NXPH1: variants seen among roughly 807,000 people sequenced by gnomAD.
NXPH1 encodes neurexophilin-1.
A neutral mutation model predicts 23.7 loss-of-function variants in NXPH1; 5 were observed. The observed-to-expected ratio is 0.21, with a 90% confidence interval of 0.11 to 0.44. The LOEUF is 0.44. NXPH1 is among the 20% of genes least tolerant of loss of function. The pLI is 0.99. For synonymous variants in NXPH1, 144 were observed against 122.2 expected (o/e 1.18, Z -1.18); for missense variants, 324 against 321.6 (o/e 1.01, Z -0.06).
At chr7:8,465,188 C>T (rs1336177869) in intron 2 of NXPH1, among the ~76,000 whole-genome samples, 1 of 152,170 alleles carries the variant, frequency 6.6e-6, no homozygotes, top group Non-Finnish European at 1.5e-5. Flanking sequence ...AAGGAGGTCT[C>T]AGTTTGATGG....
chr7:8,593,251 C>A (rs1013614088), intron 2 of NXPH1, among the ~76,000 whole-genome samples: 4 of 150,174 alleles, frequency 2.7e-5, no homozygotes, highest in Non-Finnish European at 4.4e-5. Flanking sequence ...AACGGGTTAT[C>A]TGCCCTTCAA....
intron 2 of NXPH1, among the ~76,000 whole-genome samples, chr7:8,492,193 T>C (rs1210718416): frequency 6.6e-6 from 1 of 152,094 alleles, no homozygotes; most frequent in Non-Finnish European, 1.5e-5. Flanking sequence ...ATTAGAATTT[T>C]AGATTTTTTC....
At chr7:8,532,660 A>G (rs917708811) in intron 2 of NXPH1, among the ~76,000 whole-genome samples, 1 of 152,080 alleles carries the variant, frequency 6.6e-6, no homozygotes, top group African/African-American at 2.4e-5. Flanking sequence ...TTAAATGTGC[A>G]GACTCTTGGG....
At chr7:8,694,298 C>A (rs949678194) in intron 2 of NXPH1, among the ~76,000 whole-genome samples, 1 of 152,136 alleles carries the variant, frequency 6.6e-6, no homozygotes, top group South Asian at 2.1e-4. Flanking sequence ...TTGAGTTGTC[C>A]CTTGACACCC....
intron 2 of NXPH1, among the ~76,000 whole-genome samples, chr7:8,581,627 T>C (rs1014796177): frequency 6.6e-6 from 1 of 152,100 alleles, no homozygotes; most frequent in African/African-American, 2.4e-5. Flanking sequence ...CCAAACCATA[T>C]CCTAATGATT....
At chr7:8,734,824 A>G (rs1022390779) in intron 2 of NXPH1, among the ~76,000 whole-genome samples, 2 of 152,020 alleles carry the variant, frequency 1.3e-5, no homozygotes, top group Admixed American at 1.3e-4. Context: ...GTGGAAGTCT[A>G]AGTCTCTTTG....
chr7:8,738,228 A>G (rs1037531640), intron 2 of NXPH1, among the ~76,000 whole-genome samples: 7 of 152,174 alleles, frequency 4.6e-5, no homozygotes, highest in Admixed American at 3.3e-4. Flanking sequence ...TGGATTTGGA[A>G]TTTCAGTCTT....
At chr7:8,674,190 CA>C (rs1562450733) in intron 2 of NXPH1, among the ~76,000 whole-genome samples, 23 of 144,060 alleles carry the variant, frequency 1.6e-4, no homozygotes, top group East Asian at 5.0e-4. Flanking sequence ...CACACACACA[CA>C]CACACACACA....
intron 2 of NXPH1, among the ~76,000 whole-genome samples, chr7:8,528,792 A>G (rs953609953): frequency 3.3e-5 from 5 of 152,224 alleles, no homozygotes; most frequent in African/African-American, 1.2e-4. Context: ...ATAAAAGCAG[A>G]AGCTTATGAT....
At chr7:8,460,705 C>T (rs1185876744) in intron 2 of NXPH1, among the ~76,000 whole-genome samples, 4 of 152,152 alleles carry the variant, frequency 2.6e-5, no homozygotes, top group Non-Finnish European at 4.4e-5. Flanking sequence ...TTGTTTATTG[C>T]TTAATGGAAA....
chr7:8,745,719 ATTTTTTT>A (rs56019801), intron 2 of NXPH1, among the ~76,000 whole-genome samples: 21 of 111,824 alleles, frequency 1.9e-4, no homozygotes, highest in South Asian at 3.0e-4. Context: ...CGCCCAGCTA[ATTTTTTT>A]TTTTTTTTTT....
intron 2 of NXPH1, among the ~76,000 whole-genome samples, chr7:8,696,403 T>C (rs1259236775): frequency 6.6e-6 from 1 of 152,162 alleles, no homozygotes; most frequent in Non-Finnish European, 1.5e-5. Flanking sequence ...AGGAGGAGTA[T>C]TACTAAATAA....
intron 2 of NXPH1, among the ~76,000 whole-genome samples, chr7:8,465,724 T>G (rs890465620): frequency 6.6e-6 from 1 of 152,226 alleles, no homozygotes; most frequent in Non-Finnish European, 1.5e-5. Context: ...GACAGTAGAA[T>G]ATTTAAAAGT....
chr7:8,712,928 G>A (rs964689695), intron 2 of NXPH1, among the ~76,000 whole-genome samples: 3 of 151,862 alleles, frequency 2.0e-5, no homozygotes, highest in Non-Finnish European at 2.9e-5. Flanking sequence ...CTTGGTATTC[G>A]GTAACTTTCT....
At chr7:8,590,651 T>A (rs933613952) in intron 2 of NXPH1, among the ~76,000 whole-genome samples, 3 of 152,130 alleles carry the variant, frequency 2.0e-5, no homozygotes, top group African/African-American at 7.2e-5. Flanking sequence ...TTGTAAATAT[T>A]AATTCTTTGG....
chr7:8,514,399 G>C (rs1584203974), intron 2 of NXPH1, among the ~76,000 whole-genome samples: 1 of 152,144 alleles, frequency 6.6e-6, no homozygotes, highest in African/African-American at 2.4e-5. Flanking sequence ...GAGGTTCAGT[G>C]ACATCCTTGA....
chr7:8,659,402 G>C (rs150174850), intron 2 of NXPH1, among the ~76,000 whole-genome samples: 47 of 152,224 alleles, frequency 3.1e-4, no homozygotes, highest in African/African-American at 1.0e-3. Flanking sequence ...TCCTCCTTTA[G>C]CTCAGAGAAG....
intron 2 of NXPH1, among the ~76,000 whole-genome samples, chr7:8,582,911 G>C (rs1818908530): frequency 6.6e-6 from 1 of 152,194 alleles, no homozygotes; most frequent in African/African-American, 2.4e-5. Context: ...CACCCAGGCT[G>C]TTCACGCTGA....
chr7:8,672,277 T>C (rs1188725650), intron 2 of NXPH1, among the ~76,000 whole-genome samples: 1 of 151,908 alleles, frequency 6.6e-6, no homozygotes, highest in African/African-American at 2.4e-5. Context: ...AATTGAACAA[T>C]GAGAACACAT....
Sources: allele counts gnomAD v4.1 joint callset (sites outside exome capture counted in the v4.1 genomes callset), GRCh38; gene constraint gnomAD v4.1.1; transcripts MANE v1.5; gene names NCBI Gene and HGNC (gene_info 2026-07-23, HGNC 2026-07-21).